ELOC: variants seen among roughly 807,000 people sequenced by gnomAD.
ELOC encodes the protein elongin C, also known as elongin-C.
For missense variants in ELOC, 38 were observed against 139.0 expected (o/e 0.27, Z 3.65); for synonymous variants, 40 against 51.3 (o/e 0.78, Z 0.94).
At chr8:73,959,418 A>T (rs1043712561) in intron 2 of ELOC, among the ~76,000 whole-genome samples, 6 of 147,412 alleles carry the variant, frequency 4.1e-5, no homozygotes, top group Non-Finnish European at 1.5e-5. Flanking sequence ...TTTCTATTTT[A>T]AAAAATTGTA....
intron 2 of ELOC, 144 bp from the exon 3 acceptor site, chr8:73,956,198 C>G: frequency 1.5e-6 from 1 of 685,424 alleles, no homozygotes. Flanking sequence ...CAAGACCAGC[C>G]TGGTCAAACA....
chr8:73,966,175 A>AT (rs774537691), intron 1 of ELOC, among the ~76,000 whole-genome samples: 1 of 151,436 alleles, frequency 6.6e-6, no homozygotes, highest in Non-Finnish European at 1.5e-5. Context: ...AGAGATGAAC[A>AT]TAACAAACAT....
At chr8:73,948,438 A>G (rs1290269385) in intron 3 of ELOC, among the ~76,000 whole-genome samples, 5 of 152,174 alleles carry the variant, frequency 3.3e-5, no homozygotes, top group Admixed American at 3.3e-4. Context: ...GGCAAATAAC[A>G]GGTTTTCTGA....
At chr8:73,948,342 A>T (rs975982440) in intron 3 of ELOC, among the ~76,000 whole-genome samples, 6 of 152,230 alleles carry the variant, frequency 3.9e-5, no homozygotes, top group Non-Finnish European at 8.8e-5. Context: ...AATCATTTTT[A>T]AAAAAGATCA....
chr8:73,953,479 C>T (rs951108369), intron 3 of ELOC, among the ~76,000 whole-genome samples: 4 of 152,030 alleles, frequency 2.6e-5, no homozygotes, highest in African/African-American at 9.7e-5. Context: ...GAATTCGAGA[C>T]CAGCCTGACC....
chr8:73,948,192 C>CAA (rs200295701), intron 3 of ELOC, among the ~76,000 whole-genome samples: 4,566 of 127,898 alleles, frequency 0.036, 183 homozygotes, highest in Admixed American at 0.13. Context: ...AACTCCGTCT[C>CAA]AAAAAAAAAA....
At chr8:73,969,206 A>G (rs779633047) in intron 1 of ELOC, among the ~76,000 whole-genome samples, 3 of 152,322 alleles carry the variant, frequency 2.0e-5, no homozygotes, top group East Asian at 3.9e-4. Context: ...TGATTTATCA[A>G]TCTCAGAAAC....
At chr8:73,947,892 T>G (rs1391745013) in intron 3 of ELOC, among the ~76,000 whole-genome samples, 9 of 152,048 alleles carry the variant, frequency 5.9e-5, no homozygotes, top group Non-Finnish European at 1.3e-4. Flanking sequence ...AAAAAAACCT[T>G]TACTAAAATA....
chr8:73,947,372 A>G (rs1405705761), intron 3 of ELOC, among the ~76,000 whole-genome samples: 1 of 152,102 alleles, frequency 6.6e-6, no homozygotes, highest in Non-Finnish European at 1.5e-5. Flanking sequence ...GGCCATGTAC[A>G]AGACAAAAAG....
intron 1 of ELOC, among the ~76,000 whole-genome samples, chr8:73,963,664 T>C (rs549452490): frequency 1.3e-5 from 2 of 152,230 alleles, no homozygotes; most frequent in South Asian, 4.1e-4. Flanking sequence ...TTTACTTGGA[T>C]AAAATAAGGT....
intron 3 of ELOC, among the ~76,000 whole-genome samples, chr8:73,955,035 G>GAAAAAAAAA (rs34453392): frequency 1.6e-5 from 1 of 62,992 alleles, no homozygotes; most frequent in Non-Finnish European, 2.8e-5. Context: ...CTCCATCTCG[G>GAAAAAAAAA]AAAAAAAAAA....
intron 1 of ELOC, among the ~76,000 whole-genome samples, chr8:73,963,548 TAA>T (rs1031906644): frequency 6.6e-6 from 1 of 152,188 alleles, no homozygotes. Flanking sequence ...AGAACTCATA[TAA>T]GTTTTAATAG....
At chr8:73,948,872 CA>C in intron 3 of ELOC, among the ~76,000 whole-genome samples, 1 of 151,756 alleles carries the variant, frequency 6.6e-6, no homozygotes, top group Non-Finnish European at 1.5e-5. Context: ...AGCAAGCAAG[CA>C]AGCAAGCAAA....
At chr8:73,970,169 G>A (rs978537186) in intron 1 of ELOC, among the ~76,000 whole-genome samples, 1 of 152,200 alleles carries the variant, frequency 6.6e-6, no homozygotes, top group South Asian at 2.1e-4. Context: ...TTGAGCCCAG[G>A]AGGTTGAGGC....
At chr8:73,958,853 T>C (rs996034684) in intron 2 of ELOC, among the ~76,000 whole-genome samples, 3 of 152,170 alleles carry the variant, frequency 2.0e-5, no homozygotes, top group Non-Finnish European at 2.9e-5. Flanking sequence ...AAGAAATGCA[T>C]CATTAGGCAA....
chr8:73,955,101 T>C (rs974238552), intron 3 of ELOC, among the ~76,000 whole-genome samples: 18 of 151,226 alleles, frequency 1.2e-4, no homozygotes, highest in Non-Finnish European at 2.2e-4. Flanking sequence ...TTCAGTCTTG[T>C]TGAAACTTAT....
At chr8:73,952,480 TA>T (rs754933689) in intron 3 of ELOC, among the ~76,000 whole-genome samples, 574 of 133,258 alleles carry the variant, frequency 4.3e-3, no homozygotes, top group Middle Eastern at 7.5e-3. Context: ...ATGACACCAT[TA>T]AAAAAAAAAA....
At chr8:73,965,077 T>C (rs1474585012) in intron 1 of ELOC, among the ~76,000 whole-genome samples, 2 of 72,558 alleles carry the variant, frequency 2.8e-5, no homozygotes, top group Non-Finnish European at 6.0e-5. Flanking sequence ...AAAAGAAAAA[T>C]GAAAAAAATG....
At position 73,965,808 on chromosome 8, in the gene ELOC, G is replaced by A. The variant is rs530562528; in HGVS notation, c.-50-5990C>T. Among the ~76,000 whole-genome samples the A allele has an allele frequency of 5.9e-5, 9 of 152,186 alleles. No individual in the cohort carries two copies. In the South Asian group the frequency reaches 1.9e-3, roughly 32 times the overall value. ...TAATTAAGCTTTTGAAAGTGACATCGGTAATAAAATTAACCCAAATTTTCT... is the reference window on the plus strand; with the variant it reads ...TAATTAAGCTTTTGAAAGTGACATCAGTAATAAAATTAACCCAAATTTTCT... On this transcript the variant is annotated intron_variant, in intron 1 of 3. Coordinates refer to ENST00000520242, the MANE Select transcript of ELOC (RefSeq NM_005648.4).
Sources: allele counts gnomAD v4.1 joint callset (sites outside exome capture counted in the v4.1 genomes callset), GRCh38; gene constraint gnomAD v4.1.1; transcripts MANE v1.5; gene names NCBI Gene and HGNC (gene_info 2026-07-23, HGNC 2026-07-21).